The following PMFBP1 variants were observed in gnomAD, a reference collection of about 807,000 sequenced individuals.
PMFBP1 encodes polyamine-modulated factor 1-binding protein 1.
A neutral mutation model predicts 137.8 loss-of-function variants in PMFBP1; 131 were observed. The ratio of observed to expected loss-of-function variants is 0.95; its 90% CI spans 0.82 to 1.10. The LOEUF is 1.10. Among genes scored for constraint, PMFBP1 ranks in the 50% least tolerant of loss-of-function variants. The probability of loss-of-function intolerance (pLI) is 0.00; values close to 1 mark genes in which losing one functional copy is unlikely to be tolerated. For synonymous variants in PMFBP1, 490 were observed against 450.4 expected (o/e 1.09, Z -1.11); for missense variants, 1,199 against 1,175.4 (o/e 1.02, Z -0.29).
chr16:72,236,888 A>G, the PMFBP1 span, among the ~76,000 whole-genome samples: 2 of 152,232 alleles, frequency 1.3e-5, no homozygotes, highest in African/African-American at 4.8e-5. Context: ...GAAGAGTAAT[A>G]AAATCTACCA....
chr16:72,122,705 G>C (rs1217342290), intron 19 of PMFBP1, among the ~76,000 whole-genome samples: 1 of 152,136 alleles, frequency 6.6e-6, no homozygotes, highest in Non-Finnish European at 1.5e-5. Context: ...AACTCCCTTT[G>C]GATTTTTGGT....
the PMFBP1 span, among the ~76,000 whole-genome samples, chr16:72,213,749 A>G: frequency 6.6e-6 from 1 of 152,354 alleles, no homozygotes; most frequent in East Asian, 1.9e-4. Context: ...GATAACTAAT[A>G]CAAAAAAGTT....
At chr16:72,164,381 G>T (rs1411898424) in intron 3 of PMFBP1, 8 of 1,290,640 alleles carry the variant, frequency 6.2e-6, no homozygotes, top group Non-Finnish European at 8.1e-6. Flanking sequence ...CTTAGAGCAG[G>T]TGTGATGGTT....
At chr16:72,218,895 C>G in the PMFBP1 span, among the ~76,000 whole-genome samples, 3 of 151,970 alleles carry the variant, frequency 2.0e-5, no homozygotes, top group African/African-American at 7.3e-5. Context: ...AGGAAGTAAC[C>G]CCAACAAAGG....
At chr16:72,168,512 G>T (rs2043177869) in intron 2 of PMFBP1, among the ~76,000 whole-genome samples, 1 of 152,222 alleles carries the variant, frequency 6.6e-6, no homozygotes, top group African/African-American at 2.4e-5. Flanking sequence ...AATAGGGATA[G>T]ATTTAATCTG....
chr16:72,247,715 T>C, the PMFBP1 span, among the ~76,000 whole-genome samples: 1 of 152,358 alleles, frequency 6.6e-6, no homozygotes, highest in East Asian at 1.9e-4. Flanking sequence ...TTTGCTCATA[T>C]TCATATAATC....
chr16:72,120,257 C>T, intron 19 of PMFBP1, 168 bp from the exon 20 acceptor site: 1 of 1,164,482 alleles, frequency 8.6e-7, no homozygotes, highest in South Asian at 1.5e-5. Context: ...CTACGTGTGT[C>T]CTGTGAAAGA....
At chr16:72,204,652 A>G in the PMFBP1 span, among the ~76,000 whole-genome samples, 1 of 152,226 alleles carries the variant, frequency 6.6e-6, no homozygotes, top group African/African-American at 2.4e-5. Context: ...ATGAATGAGC[A>G]GAGGGAAGGA....
chr16:72,128,537 G>T, intron 14 of PMFBP1, 120 bp downstream of exon 14: 1 of 1,585,614 alleles, frequency 6.3e-7, no homozygotes, highest in Admixed American at 1.8e-5. Flanking sequence ...GGTGGCCCAG[G>T]ATCCGCAGTT....
At chr16:72,246,752 T>C in the PMFBP1 span, among the ~76,000 whole-genome samples, 3 of 152,238 alleles carry the variant, frequency 2.0e-5, no homozygotes, top group Non-Finnish European at 2.9e-5. Context: ...AGGAAGCTTA[T>C]TGAGGGCAGA....
chr16:72,119,355 C>G lies in PMFBP1; in HGVS notation c.3008-1G>C, dbSNP rs1470320442. The G allele has an allele frequency of 6.2e-7, 1 of 1,614,138 alleles. No individual in the cohort carries two copies. On this transcript the variant is annotated splice_acceptor_variant, in intron 20 of 20. Transcript: ENST00000237353. LOFTEE classifies it high-confidence loss of function. Reference sequence around the variant, plus strand: ...TGTGGATTCTAGCAGTATGAGGAACCTGAGGGAACAGGGAGGAAATGAGAG... The same window carrying G: ...TGTGGATTCTAGCAGTATGAGGAACGTGAGGGAACAGGGAGGAAATGAGAG...
chr16:72,169,985 C>A (rs867436984), intron 2 of PMFBP1, among the ~76,000 whole-genome samples: 3 of 152,016 alleles, frequency 2.0e-5, no homozygotes, highest in African/African-American at 2.4e-5. Context: ...AGATCAGCCA[C>A]CTATGGAACG....
intron 6 of PMFBP1, among the ~76,000 whole-genome samples, chr16:72,139,758 T>C (rs1349601777): frequency 3.9e-5 from 6 of 152,200 alleles, no homozygotes; most frequent in Non-Finnish European, 7.3e-5. Context: ...AAGAAGGAAG[T>C]TCCTTATGGA....
upstream of PMFBP1, among the ~76,000 whole-genome samples, chr16:72,176,032 C>A (rs542310470): frequency 7.9e-4 from 120 of 152,194 alleles, no homozygotes; most frequent in African/African-American, 2.8e-3. Context: ...TAGTGCAGAG[C>A]ATAACTGGTA....
downstream of PMFBP1, among the ~76,000 whole-genome samples, chr16:72,117,482 T>C (rs1474464688): frequency 7.2e-5 from 11 of 152,156 alleles, no homozygotes; most frequent in Non-Finnish European, 2.9e-5. Flanking sequence ...ACTTCTTCCT[T>C]TCCAGTTTGA....
In PMFBP1 at chr16:72,139,319, G is replaced by A; in HGVS notation, c.888C>T (p.Ser296=). 2 of 1,613,982 alleles carry A rather than the reference G, an allele frequency of 1.2e-6. No homozygotes were observed. Among genetic ancestry groups the A allele is most frequent in the Non-Finnish European group, 1.7e-6 (2 of 1,179,856 alleles). ...TGATGTCTTCACACTCTTCTGAGGA[G>A]CTAGGAGGGTATCTGTGGGTGGCTG... The part of the protein sequence containing the change: ...SCTATHRYPP[S]SSEECEDIKK... The change falls in exon 7 of 21, where the codon AGC becomes AGT. Residue 296 remains serine, a synonymous_variant. Coordinates refer to ENST00000237353, the MANE Select transcript of PMFBP1 (RefSeq NM_031293.3).
chr16:72,120,687 C>G (rs953409199), intron 19 of PMFBP1, among the ~76,000 whole-genome samples: 1 of 152,188 alleles, frequency 6.6e-6, no homozygotes, highest in African/African-American at 2.4e-5. Flanking sequence ...TTCCCCGTGG[C>G]TCAATAAATA....
intron 9 of PMFBP1, among the ~76,000 whole-genome samples, chr16:72,134,032 G>A (rs1047020827): frequency 9.2e-5 from 14 of 152,158 alleles, no homozygotes; most frequent in Non-Finnish European, 2.9e-5. Flanking sequence ...CAGGAGAATC[G>A]CTTGAACCTG....
At chr16:72,190,376 A>C in the PMFBP1 span, among the ~76,000 whole-genome samples, 1 of 152,224 alleles carries the variant, frequency 6.6e-6, no homozygotes, top group African/African-American at 2.4e-5. Context: ...AGATGGATTC[A>C]GCCATGCTTG....
Sources: gnomAD v4.1 joint callset for allele counts (sites outside exome capture counted in the v4.1 genomes callset) on GRCh38, gnomAD v4.1.1 for gene constraint, MANE v1.5 for transcripts, NCBI Gene and HGNC (gene_info 2026-07-23, HGNC 2026-07-21) for gene names.